The following ZRANB3 variants were observed in gnomAD, a reference collection of about 807,000 sequenced individuals.
ZRANB3 encodes the protein zinc finger RANBP2-type containing 3, also known as DNA annealing helicase and endonuclease ZRANB3.
In ZRANB3, 125 loss-of-function variants were observed where a neutral mutation model predicts 133.8. The ratio of observed to expected loss-of-function variants is 0.93; its 90% CI spans 0.81 to 1.08. The LOEUF (loss-of-function observed/expected upper bound fraction) is 1.08. ZRANB3 is among the 50% of genes least tolerant of loss of function. The pLI is 0.00. For synonymous variants in ZRANB3, 387 were observed against 432.7 expected (o/e 0.89, Z 1.31); for missense variants, 1,229 against 1,275.5 (o/e 0.96, Z 0.56).
chr2:135,333,342 A>G (rs1485080319), intron 6 of ZRANB3, among the ~76,000 whole-genome samples: 1 of 152,190 alleles, frequency 6.6e-6, no homozygotes, highest in East Asian at 1.9e-4. Context: ...TATACCATTT[A>G]TGTATATGAA....
intron 6 of ZRANB3, among the ~76,000 whole-genome samples, chr2:135,331,684 AG>A (rs1196901396): frequency 2.0e-5 from 3 of 152,168 alleles, no homozygotes; most frequent in African/African-American, 7.2e-5. Context: ...TTGGGAGTCT[AG>A]GTCTCTTTGT....
intron 16 of ZRANB3, 100 bp from the exon 17 acceptor site, chr2:135,217,707 T>G: frequency 7.1e-7 from 1 of 1,409,028 alleles, no homozygotes; most frequent in South Asian, 1.5e-5. Flanking sequence ...TATTTTGTTA[T>G]GTCCCCCAAA....
At chr2:135,253,903 T>C (rs1679522749) in intron 12 of ZRANB3, among the ~76,000 whole-genome samples, 1 of 152,222 alleles carries the variant, frequency 6.6e-6, no homozygotes, top group Non-Finnish European at 1.5e-5. Flanking sequence ...ACACTACCAT[T>C]AGGACTATCT....
At position 135,205,634 on chromosome 2, in the gene ZRANB3, A is replaced by G. The variant is rs147284039; in HGVS notation, c.3009+1800T>C. ...TCCAAGTACTGGGATTACAGGTATG[A>G]GCCAACGCCTGGCCTAGTTTGAAAT... On this transcript the variant is annotated intron_variant, in intron 19 of 20. Coordinates refer to ENST00000264159, the MANE Select transcript of ZRANB3 (RefSeq NM_032143.4). Among the ~76,000 whole-genome samples, 454 of 152,290 alleles carry G rather than the reference A, an allele frequency of 3.0e-3. 2 individuals are homozygous for G. Among genetic ancestry groups the G allele is most frequent in the African/African-American group, 0.01 (430 of 41,572 alleles).
At chr2:135,478,065 C>A (rs1301431095) in intron 2 of ZRANB3, among the ~76,000 whole-genome samples, 1 of 152,020 alleles carries the variant, frequency 6.6e-6, no homozygotes, top group Non-Finnish European at 1.5e-5. Flanking sequence ...AAACACAAAA[C>A]AAACACACCC....
intron 3 of ZRANB3, among the ~76,000 whole-genome samples, chr2:135,383,299 T>C (rs1372450146): frequency 1.5e-4 from 23 of 152,096 alleles, no homozygotes; most frequent in Admixed American, 1.5e-3. Context: ...GAGCTAACTA[T>C]CCCAAATATA....
intron 2 of ZRANB3, among the ~76,000 whole-genome samples, chr2:135,421,425 T>C (rs1266177336): frequency 6.6e-6 from 1 of 152,228 alleles, no homozygotes; most frequent in African/African-American, 2.4e-5. Context: ...GGCCTCCTTT[T>C]ACAAAGTAGA....
intron 3 of ZRANB3, among the ~76,000 whole-genome samples, chr2:135,355,517 C>T (rs1277680706): frequency 1.3e-5 from 2 of 152,038 alleles, no homozygotes; most frequent in Admixed American, 6.6e-5. Context: ...CCCACCACGC[C>T]TGGCTAATTT....
chr2:135,415,152 A>C (rs1258133712), intron 2 of ZRANB3, among the ~76,000 whole-genome samples: 1 of 139,586 alleles, frequency 7.2e-6, no homozygotes, highest in East Asian at 2.2e-4. Flanking sequence ...CCTTCAAAAA[A>C]TTAATGAATC....
intron 12 of ZRANB3, among the ~76,000 whole-genome samples, chr2:135,250,991 A>T (rs1573760419): frequency 6.6e-6 from 1 of 152,320 alleles, no homozygotes; most frequent in Admixed American, 6.5e-5. Context: ...GAAAAGCCAT[A>T]GACACTCAAT....
intron 2 of ZRANB3, among the ~76,000 whole-genome samples, chr2:135,426,865 T>A (rs1428430451): frequency 0.085 from 287 of 3,396 alleles, 48 homozygotes; most frequent in East Asian, 0.32. Context: ...AAAAAAAAAA[T>A]ATATATATAT....
At position 135,345,636 on chromosome 2, in the gene ZRANB3, C is replaced by G; in HGVS notation, c.592-1G>C. On this transcript the variant is annotated splice_acceptor_variant, in intron 5 of 20. Coordinates refer to ENST00000264159, the MANE Select transcript of ZRANB3 (RefSeq NM_032143.4). LOFTEE classifies it high-confidence loss of function. The stretch of plus-strand genomic sequence containing the variant: ...AGAGAGCTTCAATCTGCATAAAAAG[C>G]TATAATAATACAAGTGTTTGTAGTA... 6.3e-7 allele frequency: 1 copy of G among 1,597,442 alleles called. No homozygotes were observed. The highest frequency in any genetic ancestry group is 8.6e-7 in the Non-Finnish European group (1 of 1,167,818).
chr2:135,326,091 T>G (rs1481955986), intron 6 of ZRANB3, among the ~76,000 whole-genome samples: 1 of 152,142 alleles, frequency 6.6e-6, no homozygotes, highest in Non-Finnish European at 1.5e-5. Context: ...TGGGTACTGA[T>G]CTATACAAAC....
intron 6 of ZRANB3, among the ~76,000 whole-genome samples, chr2:135,321,854 A>T (rs1683542005): frequency 6.6e-6 from 1 of 152,134 alleles, no homozygotes; most frequent in Non-Finnish European, 1.5e-5. Context: ...TCAAATATGT[A>T]GTTTACAATT....
intron 2 of ZRANB3, among the ~76,000 whole-genome samples, chr2:135,475,461 G>T (rs1283610613): frequency 6.6e-6 from 1 of 152,114 alleles, no homozygotes; most frequent in Non-Finnish European, 1.5e-5. Context: ...TTTGAACTGG[G>T]CATCATGTTG....
chr2:135,296,198 G>A (rs954471972), intron 8 of ZRANB3, among the ~76,000 whole-genome samples: 9 of 152,256 alleles, frequency 5.9e-5, no homozygotes, highest in Admixed American at 5.2e-4. Flanking sequence ...CATTCTCCCC[G>A]TCACTTTCAG....
chr2:135,398,427 TA>T (rs928991528), intron 2 of ZRANB3, among the ~76,000 whole-genome samples: 19 of 152,162 alleles, frequency 1.2e-4, no homozygotes, highest in African/African-American at 4.3e-4. Flanking sequence ...CTGTTAAAGG[TA>T]TCAAGTCTTG....
intron 8 of ZRANB3, among the ~76,000 whole-genome samples, chr2:135,308,393 AGT>A (rs1433541215): frequency 6.6e-6 from 1 of 152,062 alleles, no homozygotes; most frequent in Non-Finnish European, 1.5e-5. Flanking sequence ...GCTTTTGTTT[AGT>A]GTAAGAAAGG....
intron 16 of ZRANB3, among the ~76,000 whole-genome samples, chr2:135,218,013 A>T (rs1010600995): frequency 6.6e-6 from 1 of 151,970 alleles, no homozygotes; most frequent in African/African-American, 2.4e-5. Flanking sequence ...GGGTCTCACT[A>T]TGTTGCCCAG....
Sources: allele counts gnomAD v4.1 joint callset (sites outside exome capture counted in the v4.1 genomes callset), GRCh38; gene constraint gnomAD v4.1.1; transcripts MANE v1.5; gene names NCBI Gene and HGNC (gene_info 2026-07-23, HGNC 2026-07-21).